The following UGT1A5 variants were observed in gnomAD, a reference collection of about 807,000 sequenced individuals.
UGT1A5 encodes UDP-glucuronosyltransferase 1A5.
A neutral mutation model predicts 40.3 loss-of-function variants in UGT1A5; 29 were observed. The ratio of observed to expected loss-of-function variants is 0.72; its 90% CI spans 0.54 to 0.98. The LOEUF (loss-of-function observed/expected upper bound fraction) is 0.98, where lower values mean the gene tolerates loss of function less well. Ranked by LOEUF, UGT1A5 falls within the 50% of genes least tolerant of loss-of-function variation. The pLI, the probability that UGT1A5 is intolerant of heterozygous loss-of-function variation, is 0.00. For synonymous variants in UGT1A5, 257 were observed against 262.5 expected (o/e 0.98, Z 0.20); for missense variants, 678 against 677.9 (o/e 1.00, Z 0.00).
chr2:233,769,419 A>C lies in UGT1A5; in HGVS notation c.1307+980A>C. The stretch of plus-strand genomic sequence containing the variant: ...TGCATATGTGCGTGTGCGTTTGTGC[A>C]TGTGGCTGTGCTCATGTGTGGGTGC... On this transcript the variant is annotated intron_variant, in intron 4 of 4. Coordinates refer to ENST00000373414, the MANE Select transcript of UGT1A5 (RefSeq NM_019078.2). This position sits in a 1 kb window ranked among gnomAD's most constrained non-coding sequence, Gnocchi z 4.4. 1.4e-6 allele frequency: 2 copies of C among 1,450,006 alleles called. No individual in the cohort carries two copies. The highest frequency in any genetic ancestry group is 9.6e-7 in the Non-Finnish European group (1 of 1,044,304). 89.8% of individuals were successfully genotyped at this position (1,450,006 alleles called of 1,614,324 possible).
In UGT1A5 at chr2:233,768,367, T is replaced by C; in HGVS notation, c.1235T>C (p.Val412Ala). 6.2e-7 allele frequency: 1 copy of C among 1,614,082 alleles called. No individual in the cohort carries two copies. The highest frequency in any genetic ancestry group is 8.5e-7 in the Non-Finnish European group (1 of 1,180,022). The change falls in exon 4 of 5, where the codon GTG (valine) becomes GCG (alanine). Residue 412 changes from valine to alanine, a missense_variant. Val to Ala is a moderately conservative substitution (Grantham distance 64). Transcript: ENST00000373414. The stretch of plus-strand genomic sequence containing the variant: ...CGCATGGAGACTAAGGGAGCTGGAG[T>C]GACCCTGAATGTTCTGGAAATGACT... ...AKRMETKGAG[V>A]TLNVLEMTSE...
chr2:233,743,988 C>A (rs893316227), intron 1 of UGT1A5: 2 of 1,273,412 alleles, frequency 1.6e-6, no homozygotes, highest in Non-Finnish European at 1.0e-6. Flanking sequence ...CAGGCGCAGG[C>A]CCGAGTGCTC....
chr2:233,751,041 C>T (rs1189631528), intron 1 of UGT1A5, among the ~76,000 whole-genome samples: 2 of 151,832 alleles, frequency 1.3e-5, no homozygotes, highest in African/African-American at 4.9e-5. Flanking sequence ...GCACTGTGTG[C>T]CTGGAAAAGA....
At chr2:233,738,602 T>A (rs1388412839) in intron 1 of UGT1A5, among the ~76,000 whole-genome samples, 2 of 152,210 alleles carry the variant, frequency 1.3e-5, no homozygotes, top group East Asian at 3.8e-4. Context: ...TGCTAAGCTT[T>A]AGCAAAGAAA....
chr2:233,719,618 C>A (rs779960656), intron 1 of UGT1A5: 2 of 1,614,058 alleles, frequency 1.2e-6, no homozygotes. Flanking sequence ...TGGACTACCC[C>A]AGGCCGATCA....
At chr2:233,729,583 C>A (rs1274615489) in intron 1 of UGT1A5, 2 of 1,614,036 alleles carry the variant, frequency 1.2e-6, no homozygotes, top group Non-Finnish European at 1.7e-6. Context: ...TTTAACAGAC[C>A]CCGTTAACCT....
intron 1 of UGT1A5, among the ~76,000 whole-genome samples, chr2:233,724,739 C>T (rs1254831303): frequency 5.5e-5 from 8 of 144,282 alleles, no homozygotes; most frequent in African/African-American, 1.6e-4. Flanking sequence ...AGAGGGGCTC[C>T]TCACATCCCA....
chr2:233,755,356 C>T, intron 1 of UGT1A5: 1 of 377,544 alleles, frequency 2.6e-6, no homozygotes, highest in Non-Finnish European at 4.9e-6. Context: ...GCTTGGCGAC[C>T]TGGGCCGCCT....
chr2:233,717,065 A>G (rs1043172308), intron 1 of UGT1A5, among the ~76,000 whole-genome samples: 4 of 152,172 alleles, frequency 2.6e-5, no homozygotes, highest in Admixed American at 6.5e-5. Context: ...TAGGAGTGCC[A>G]GACACGTAAC....
At chr2:233,726,064 G>T (rs1467420011) in intron 1 of UGT1A5, among the ~76,000 whole-genome samples, 7 of 152,132 alleles carry the variant, frequency 4.6e-5, no homozygotes, top group Admixed American at 4.6e-4. Flanking sequence ...TACTCAGGAG[G>T]CTGAGGCAGG....
chr2:233,768,607 G>A (rs1227150844), intron 4 of UGT1A5, among the ~76,000 whole-genome samples, 168 bp downstream of exon 4: 1 of 99,376 alleles, frequency 1.0e-5, no homozygotes, highest in South Asian at 3.4e-4. Context: ...TTTTTTTTGA[G>A]ATGGAGTCTT....
chr2:233,721,061 C>T (rs1345947029), intron 1 of UGT1A5, among the ~76,000 whole-genome samples: 1 of 152,076 alleles, frequency 6.6e-6, no homozygotes, highest in Non-Finnish European at 1.5e-5. Flanking sequence ...GTCATATTCA[C>T]TGAATTTATA....
chr2:233,768,209 T>C lies in UGT1A5; in HGVS notation c.1088-11T>C, dbSNP rs765320155. 1 of 1,614,150 alleles carries C rather than the reference T, an allele frequency of 6.2e-7. No individual in the cohort carries two copies. Among genetic ancestry groups the C allele is most frequent in the Admixed American group, 1.7e-5 (1 of 60,012 alleles). On this transcript the variant is annotated splice_polypyrimidine_tract_variant and intron_variant, in intron 3 of 4. Transcript: ENST00000373414. ...TGTAACTGCTGACATCCTCCCTATT[T>C]TGCATCTCAGGTCACCCGATGACCC...
At chr2:233,737,662 C>A (rs972377767) in intron 1 of UGT1A5, among the ~76,000 whole-genome samples, 3 of 152,186 alleles carry the variant, frequency 2.0e-5, no homozygotes, top group African/African-American at 7.2e-5. Context: ...AGCTGCAGAT[C>A]GGAGCTGTTC....
chr2:233,753,155 C>T (rs1695142736), intron 1 of UGT1A5: 2 of 152,204 alleles, frequency 1.3e-5, no homozygotes, highest in Admixed American at 6.5e-5. Flanking sequence ...TGTAAGTTCC[C>T]TTATCCGGAT....
In UGT1A5 at chr2:233,772,554, C is replaced by T. The variant is rs768200668; in HGVS notation, c.1600C>T (p.His534Tyr). 6.2e-7 allele frequency: 1 copy of T among 1,613,984 alleles called. No homozygotes were observed. The highest frequency in any genetic ancestry group is 1.1e-5 in the South Asian group (1 of 91,072). ...TAAGAAAGCCCACAAATCCAAGACC[C>T]ATTGAGAAGTGGGTGGGAAATAAGG... Reference protein sequence around the residue: ...RVKKAHKSKTH With the variant: ...RVKKAHKSKTY The change falls in exon 5 of 5, where the codon CAT (histidine) becomes TAT (tyrosine). Residue 534 changes from histidine (H) to tyrosine (Y), a missense_variant. Physicochemically the swap from His to Tyr is moderately conservative, Grantham distance 83. Coordinates refer to ENST00000373414, the MANE Select transcript of UGT1A5 (RefSeq NM_019078.2).
intron 1 of UGT1A5, among the ~76,000 whole-genome samples, chr2:233,738,491 G>A (rs113157638): frequency 2.0e-5 from 3 of 152,180 alleles, no homozygotes; most frequent in Non-Finnish European, 4.4e-5. Context: ...CTTGTTGAAC[G>A]GTTTTGACCA....
rs559155778 is a variant in UGT1A5 at position 233,769,190 on chromosome 2, G to A, written c.1307+751G>A. Among the ~76,000 whole-genome samples, 1 of 152,304 alleles carries A rather than the reference G, an allele frequency of 6.6e-6. No homozygotes were observed. The highest frequency in any genetic ancestry group is 2.4e-5 in the African/African-American group (1 of 41,564). ...GTCCATGGAGTTTATGAATGAAGGA[G>A]CTATAAGATATCACAGACAAAGTCT... On this transcript the variant is annotated intron_variant, in intron 4 of 4. Transcript: ENST00000373414. The surrounding 1 kb of genome is among the most constrained non-coding windows in gnomAD (Gnocchi z 4.4).
intron 1 of UGT1A5, chr2:233,741,673 T>C (rs1691737205): frequency 6.6e-6 from 1 of 151,938 alleles, no homozygotes; most frequent in Non-Finnish European, 1.5e-5. Context: ...TGCTGTTTAT[T>C]GCTTGGGTGC....
Sources: gnomAD v4.1 joint callset for allele counts (sites outside exome capture counted in the v4.1 genomes callset) on GRCh38, gnomAD v4.1.1 for gene constraint, Gnocchi (gnomAD v3.1) non-coding constraint, MANE v1.5 for transcripts, NCBI Gene and HGNC (gene_info 2026-07-23, HGNC 2026-07-21) for gene names.